The following CIC variants were observed in gnomAD, a reference collection of about 807,000 sequenced individuals.
CIC encodes capicua transcriptional repressor.
A neutral mutation model predicts 115.7 loss-of-function variants in CIC; 18 were observed. The ratio of observed to expected loss-of-function variants is 0.16; its 90% CI spans 0.11 to 0.23. The LOEUF is 0.23. Among genes scored for constraint, CIC ranks in the 10% least tolerant of loss-of-function variants. The probability of loss-of-function intolerance (pLI) is 1.00; values close to 1 mark genes in which losing one functional copy is unlikely to be tolerated. For missense variants in CIC, 2,000 were observed against 2,159.3 expected (o/e 0.93, Z 1.46); for synonymous variants, 1,076 against 923.0 (o/e 1.17, Z -3.01).
At chr19:42,284,840 G>A (rs1599881767) in intron 2 of CIC, 3 of 1,322,596 alleles carry the variant, frequency 2.3e-6, no homozygotes, top group East Asian at 5.0e-5. Context: ...GAGTAACGGT[G>A]GTGGGGGTAT....
At chr19:42,290,205 C>A in intron 10 of CIC, 28 bp from the exon 11 acceptor site, 1 of 1,613,956 alleles carries the variant, frequency 6.2e-7, no homozygotes, top group Non-Finnish European at 8.5e-7. Flanking sequence ...GTGTCCTGAC[C>A]TGGGGTGTCT....
chr19:42,280,565 C>T lies in CIC; in HGVS notation c.2794+5988C>T, dbSNP rs944124641. On this transcript the variant is annotated intron_variant, in intron 2 of 20. Transcript: ENST00000681038. This position sits in a 1 kb window ranked among gnomAD's most constrained non-coding sequence, Gnocchi z 4.9. ...CCTGAGCGATTAACCCCTGCGCTGCCGCGTCCTCGGGCTGGGTGGGGTACC... is the reference window on the plus strand; with the variant it reads ...CCTGAGCGATTAACCCCTGCGCTGCTGCGTCCTCGGGCTGGGTGGGGTACC... Among the ~76,000 whole-genome samples the T allele has an allele frequency of 6.6e-6, 1 of 152,188 alleles. No individual in the cohort carries two copies. Among genetic ancestry groups the T allele is most frequent in the Admixed American group, 6.5e-5 (1 of 15,292 alleles).
chr19:42,289,512 C>T (rs949914626), intron 9 of CIC, 106 bp downstream of exon 9: 3 of 1,306,988 alleles, frequency 2.3e-6, no homozygotes, highest in African/African-American at 1.5e-5. Context: ...TTTTCTTTTC[C>T]ACTTGGTTTA....
intron 10 of CIC, 42 bp from the exon 11 acceptor site, chr19:42,290,191 C>A: frequency 6.2e-7 from 1 of 1,613,170 alleles, no homozygotes. Flanking sequence ...ATCGAGGTGT[C>A]GGAGTGTCCT....
At position 42,273,890 on chromosome 19, in the gene CIC, C is replaced by G. The variant is rs566060232; in HGVS notation, c.2107C>G (p.Leu703Val). The change falls in exon 2 of 21, where the codon CTG becomes GTG. Residue 703 changes from leucine to valine, a missense_variant. Physicochemically the swap from Leu to Val is conservative, Grantham distance 32. Around this residue, in one of 8 missense-constraint regions of CIC, gnomAD observed 222 missense variants for 247.7 expected, o/e 0.90. Coordinates refer to ENST00000681038, the MANE Select transcript of CIC (RefSeq NM_001386298.1). ...SGILPTFQTNLTFTVPISPGR... is the reference protein window; with the variant it reads ...SGILPTFQTNVTFTVPISPGR... The stretch of plus-strand genomic sequence containing the variant: ...AATCCTACCCACCTTCCAGACCAAC[C>G]TGACCTTCACCGTGCCCATCAGCCC... 2.5e-6 allele frequency: 1 copy of G among 398,660 alleles called. No homozygotes were observed. The highest frequency in any genetic ancestry group is 3.6e-5 in the East Asian group (1 of 28,060). 24.7% of individuals were successfully genotyped at this position (398,660 alleles called of 1,614,324 possible).
In CIC at chr19:42,293,643, C is replaced by T. The variant is rs776347592; in HGVS notation, c.6574C>T (p.Leu2192=). ...AGACTGGCGCGTCCCTGGGCAGGGC[C>T]TGGAGAATCGTGGGGAGCCTCCCAC... The part of the protein sequence containing the change: ...SSDWRVPGQG[L]ENRGEPPTPP... The change falls in exon 17 of 21, where the codon CTG becomes TTG. Residue 2192 remains leucine, a synonymous_variant. Transcript: ENST00000681038. 1.2e-6 allele frequency: 2 copies of T among 1,613,406 alleles called. No individual in the cohort carries two copies. The highest frequency in any genetic ancestry group is 2.2e-5 in the East Asian group (1 of 44,872).
chr19:42,295,338 C>A lies in CIC; in HGVS notation c.*147C>A. 2 of 698,990 alleles carry A rather than the reference C, an allele frequency of 2.9e-6. No individual in the cohort carries two copies. The highest frequency in any genetic ancestry group is 4.7e-6 in the Non-Finnish European group (2 of 427,060). The allele number at this position is 698,990 out of a possible 1,614,324, so 43.3% of individuals were successfully genotyped here. On this transcript the variant is annotated 3_prime_UTR_variant, in exon 21 of 21. Coordinates refer to ENST00000681038, the MANE Select transcript of CIC (RefSeq NM_001386298.1). ...TGAGGCCTGCTCCTCTTGTAAATAC[C>A]CCCTTCCCTCGAAGCTCCCTCCCGG...
Position 42,290,996 on chromosome 19 carries a change from A to G in CIC, c.4955A>G (p.His1652Arg), listed in dbSNP as rs1034489265. 8 of 1,613,560 alleles carry G rather than the reference A, an allele frequency of 5.0e-6. No homozygotes were observed. The highest frequency in any genetic ancestry group is 1.6e-4 in the Middle Eastern group (1 of 6,084). Reference protein sequence around the residue: ...KSAAATSPAPHLVAGPLLGTV... With the variant: ...KSAAATSPAPRLVAGPLLGTV... ...GCAGCAGCCACCTCACCAGCCCCAC[A>G]CTTGGTGGCTGGACCCCTGCTGGGC... Residue 1652 changes from histidine to arginine, a missense_variant, in exon 11 of 21, where the codon CAC (histidine) becomes CGC (arginine). His to Arg is a conservative substitution (Grantham distance 29). Coordinates refer to ENST00000681038, the MANE Select transcript of CIC (RefSeq NM_001386298.1).
chr19:42,268,978 C>T (rs192555418), upstream of CIC, among the ~76,000 whole-genome samples: 2 of 152,210 alleles, frequency 1.3e-5, no homozygotes, highest in Admixed American at 1.3e-4. Flanking sequence ...CAATTGGACA[C>T]GACTGGTGTC....
In CIC at chr19:42,290,933, C is replaced by T. The variant is rs751548523; in HGVS notation, c.4892C>T (p.Pro1631Leu). ...GGGTCTCGGGTGCCTGGGGGCTCCC[C>T]GCTGGGTGTCAGCTTAGTGTATTCG... ...GTGSRVPGGS[P>L]LGVSLVYSDK... Residue 1631 changes from proline to leucine, a missense_variant, in exon 11 of 21, where the codon CCG becomes CTG. Pro to Leu is a moderately conservative substitution (Grantham distance 98, BLOSUM62 -3). This residue lies in a region of CIC where 1,466 missense variants were observed against 1,390.4 expected (regional missense o/e 1.05). Transcript: ENST00000681038. 1.2e-5 allele frequency: 20 copies of T among 1,613,506 alleles called. No individual in the cohort carries two copies. The highest frequency in any genetic ancestry group is 2.2e-5 in the South Asian group (2 of 91,090).
chr19:42,281,558 C>T (rs542824589), intron 2 of CIC, among the ~76,000 whole-genome samples: 1 of 152,270 alleles, frequency 6.6e-6, no homozygotes, highest in East Asian at 1.9e-4. Context: ...AGGGAGGCCC[C>T]AATTAGGGTT....
At chr19:42,278,343 G>A (rs544083582) in intron 2 of CIC, among the ~76,000 whole-genome samples, 2 of 152,328 alleles carry the variant, frequency 1.3e-5, no homozygotes, top group East Asian at 3.9e-4. Context: ...GTTGACAGGC[G>A]TTGCTCCTTC....
At chr19:42,286,365 G>T (rs1019753836) in intron 2 of CIC, among the ~76,000 whole-genome samples, 10 of 152,108 alleles carry the variant, frequency 6.6e-5, no homozygotes, top group Non-Finnish European at 4.4e-5. Context: ...CGGCGACTGG[G>T]CTGCTGGGAA....
Position 42,291,900 on chromosome 19 carries a change from T to G in CIC, c.5613+155T>G, listed in dbSNP as rs568539887. ...CTCTGTGCATCCTGACTCTCTCAAGTCCTCAGTGTCTGTACCCTCCTCCTT... is the reference window on the plus strand; with the variant it reads ...CTCTGTGCATCCTGACTCTCTCAAGGCCTCAGTGTCTGTACCCTCCTCCTT... On this transcript the variant is annotated intron_variant, in intron 12 of 20. Transcript: ENST00000681038. Among the ~76,000 whole-genome samples the G allele has an allele frequency of 2.0e-5, 3 of 152,268 alleles. No homozygotes were observed. In the East Asian group the frequency reaches 5.8e-4, roughly 29 times the overall value.
chr19:42,290,534 G>A lies in CIC; in HGVS notation c.4493G>A (p.Arg1498Gln), dbSNP rs202152564. 36 of 1,613,248 alleles carry A rather than the reference G, an allele frequency of 2.2e-5. No individual in the cohort carries two copies. The African/African-American group carries it at 2.5e-4, about 11-fold the overall frequency. Residue 1498 changes from arginine (R) to glutamine (Q), a missense_variant, in exon 11 of 21, where the codon CGG (arginine) becomes CAG (glutamine). Arg to Gln is a conservative substitution (Grantham distance 43). This residue lies in a region of CIC where 1,466 missense variants were observed against 1,390.4 expected (regional missense o/e 1.05). Coordinates refer to ENST00000681038, the MANE Select transcript of CIC (RefSeq NM_001386298.1). Reference sequence around the variant, plus strand: ...CCAGCGACACCTTCCAAGGCAACCCGGTTCCTCCCAATGGATCCTGCCACC... The same window carrying A: ...CCAGCGACACCTTCCAAGGCAACCCAGTTCCTCCCAATGGATCCTGCCACC... ...GGPATPSKATRFLPMDPATFR... is the reference protein window; with the variant it reads ...GGPATPSKATQFLPMDPATFR...
At chr19:42,292,270 C>A in intron 13 of CIC, 30 bp from the exon 14 acceptor site, 1 of 1,613,606 alleles carries the variant, frequency 6.2e-7, no homozygotes, top group Non-Finnish European at 8.5e-7. Context: ...CGGCTTACCT[C>A]ACTCCTCCCC....
In CIC at chr19:42,293,621, C is replaced by T. The variant is rs781297911; in HGVS notation, c.6552C>T (p.Asp2184=). ...GCAAATTCCCCAGCTCATCTTCAGA[C>T]TGGCGCGTCCCTGGGCAGGGCCTGG... is the stretch of plus-strand genomic sequence containing the variant. ...MASKFPSSSS[D]WRVPGQGLEN... is the part of the protein sequence containing the mutation. Residue 2184 remains aspartate (D), a synonymous_variant, in exon 17 of 21, where the codon GAC becomes GAT. Coordinates refer to ENST00000681038, the MANE Select transcript of CIC (RefSeq NM_001386298.1). The T allele has an allele frequency of 2.5e-6, 4 of 1,613,704 alleles. No individual in the cohort carries two copies. The highest frequency in any genetic ancestry group is 2.2e-5 in the South Asian group (2 of 91,064).
Position 42,292,194 on chromosome 19 carries a change from CCCT to C in CIC, c.5728_5730del (p.Ser1910del). On this transcript the variant is annotated inframe_deletion, in exon 13 of 21. Transcript: ENST00000681038. ...CTCTCAGCCTCAGAAGGTCCTGTTG[CCCT>C]CCTCCACCAGGTAATTGCAGCTGAG... 1.2e-6 allele frequency: 2 copies of C among 1,614,028 alleles called. No homozygotes were observed. Among genetic ancestry groups the C allele is most frequent in the Non-Finnish European group, 1.7e-6 (2 of 1,180,026 alleles).
chr19:42,291,344 C>A lies in CIC; in HGVS notation c.5303C>A (p.Thr1768Asn). The change falls in exon 11 of 21, where the codon ACC becomes AAC. Residue 1768 changes from threonine (T) to asparagine (N), a missense_variant. Thr to Asn is a moderately conservative substitution (Grantham distance 65). Transcript: ENST00000681038. ...KAAAPSGPAP[T>N]TSIRFTLPPG... ...GCGGCTCCCAGCGGCCCTGCACCCA[C>A]CACCAGCATCCGTTTCACCCTCCCA... 1 of 1,612,838 alleles carries A rather than the reference C, an allele frequency of 6.2e-7. No homozygotes were observed. Among genetic ancestry groups the A allele is most frequent in the Non-Finnish European group, 8.5e-7 (1 of 1,179,950 alleles).
Sources: allele counts gnomAD v4.1 joint callset (sites outside exome capture counted in the v4.1 genomes callset), GRCh38; gene constraint gnomAD v4.1.1; regional missense constraint gnomAD v4.1.1; non-coding constraint Gnocchi (gnomAD v3.1); transcripts MANE v1.5; gene names NCBI Gene and HGNC (gene_info 2026-07-23, HGNC 2026-07-21).